RSU1: variants seen among roughly 807,000 people sequenced by gnomAD.
RSU1 encodes rsu-1.
A neutral mutation model predicts 31.1 loss-of-function variants in RSU1; 26 were observed. The observed-to-expected ratio is 0.84, with a 90% CI of 0.61 to 1.16. The LOEUF is 1.16. Ranked by LOEUF, RSU1 falls within the 50% of genes most tolerant of loss-of-function variation. The pLI is 0.00. For missense variants in RSU1, 320 were observed against 339.1 expected (o/e 0.94, Z 0.44); for synonymous variants, 164 against 136.3 (o/e 1.20, Z -1.41).
intron 8 of RSU1, among the ~76,000 whole-genome samples, chr10:16,652,392 C>G (rs200843845): frequency 1.1e-5 from 1 of 89,158 alleles, no homozygotes; most frequent in Non-Finnish European, 2.2e-5. Flanking sequence ...TGCCCCAAAG[C>G]AAAAAAAAAA....
chr10:16,731,374 G>A (rs1280028707), intron 7 of RSU1, among the ~76,000 whole-genome samples: 1 of 149,746 alleles, frequency 6.7e-6, no homozygotes, highest in Non-Finnish European at 1.5e-5. Context: ...AGCTTGCAGT[G>A]AGCCGAGATA....
intron 7 of RSU1, among the ~76,000 whole-genome samples, chr10:16,703,581 C>T (rs990950859): frequency 1.3e-5 from 2 of 152,010 alleles, no homozygotes; most frequent in African/African-American, 2.4e-5. Context: ...TTATGAGACA[C>T]TCAGAGCATG....
intron 7 of RSU1, among the ~76,000 whole-genome samples, chr10:16,709,520 A>G (rs1368401943): frequency 6.6e-6 from 1 of 152,188 alleles, no homozygotes; most frequent in Admixed American, 6.5e-5. Context: ...CAGCAATGGG[A>G]TGGCTGGGTC....
chr10:16,764,549 G>A (rs374388688), intron 3 of RSU1, 39 bp from the exon 4 acceptor site: 124 of 1,594,742 alleles, frequency 7.8e-5, no homozygotes, highest in Non-Finnish European at 1.0e-4. Context: ...TCTGGGAATG[G>A]AACTCCTAGC....
At chr10:16,786,033 C>T (rs114783367) in intron 2 of RSU1, among the ~76,000 whole-genome samples, 1,603 of 152,264 alleles carry the variant, frequency 0.011, 41 homozygotes, top group African/African-American at 0.037. Context: ...ACTGTGGCCA[C>T]TAGAAAATCT....
At chr10:16,686,774 C>G (rs1835447304) in intron 8 of RSU1, among the ~76,000 whole-genome samples, 1 of 152,146 alleles carries the variant, frequency 6.6e-6, no homozygotes, top group South Asian at 2.1e-4. Flanking sequence ...GATAGTTTTA[C>G]TCTTTAAAGT....
intron 4 of RSU1, among the ~76,000 whole-genome samples, chr10:16,760,746 C>T (rs1452234946): frequency 4.6e-5 from 7 of 152,020 alleles, no homozygotes; most frequent in African/African-American, 1.7e-4. Context: ...ATAAAATCCC[C>T]CCCACCTCCA....
At chr10:16,618,935 T>C (rs796413438) in intron 8 of RSU1, among the ~76,000 whole-genome samples, 9 of 152,284 alleles carry the variant, frequency 5.9e-5, no homozygotes, top group African/African-American at 2.2e-4. Context: ...ATGGCACATG[T>C]ATACCTATGT....
intron 7 of RSU1, among the ~76,000 whole-genome samples, chr10:16,710,563 A>G (rs781754206): frequency 2.0e-5 from 3 of 152,216 alleles, no homozygotes; most frequent in Admixed American, 1.3e-4. Flanking sequence ...TTTCTGGAAT[A>G]GTTTGAGGAG....
At chr10:16,796,896 A>C (rs1838048413) in intron 2 of RSU1, among the ~76,000 whole-genome samples, 1 of 152,256 alleles carries the variant, frequency 6.6e-6, no homozygotes, top group African/African-American at 2.4e-5. Context: ...ACAAGCTACC[A>C]GTAACCCAAA....
Position 16,590,755 on chromosome 10 carries a change from ATAAT to A in RSU1, c.*2635_*2638del, listed in dbSNP as rs1833491758. On this transcript the variant is annotated 3_prime_UTR_variant, in exon 9 of 9. Coordinates refer to ENST00000345264, the MANE Select transcript of RSU1 (RefSeq NM_012425.4). ...ACAGAGATAATTTAACTGCCTTAAA[ATAAT>A]TGTGTTCACCTCTATTTAATTTTTA... 1 of 152,248 alleles carries A rather than the reference ATAAT, an allele frequency of 6.6e-6. No individual in the cohort carries two copies. 9.4% of individuals were successfully genotyped at this position (152,248 alleles called of 1,614,324 possible). A position where few individuals can be genotyped will look rare whatever the true frequency, so the allele number is the denominator to read the frequency against.
At chr10:16,605,220 G>T (rs9971302) in intron 8 of RSU1, among the ~76,000 whole-genome samples, 1 of 151,890 alleles carries the variant, frequency 6.6e-6, no homozygotes, top group Non-Finnish European at 1.5e-5. Flanking sequence ...GTGAGTTCCC[G>T]AGCCAGGCCA....
At chr10:16,737,828 A>T (rs1242952899) in intron 7 of RSU1, among the ~76,000 whole-genome samples, 1 of 152,180 alleles carries the variant, frequency 6.6e-6, no homozygotes, top group Non-Finnish European at 1.5e-5. Context: ...TGGAACACTG[A>T]TGGGGCACAT....
intron 2 of RSU1, among the ~76,000 whole-genome samples, chr10:16,789,703 C>T (rs1316323406): frequency 5.9e-5 from 9 of 152,180 alleles, no homozygotes; most frequent in Non-Finnish European, 1.2e-4. Flanking sequence ...CCTTGCTGAC[C>T]GTAATCACAC....
At chr10:16,738,040 G>T (rs1232805106) in intron 7 of RSU1, among the ~76,000 whole-genome samples, 3 of 152,160 alleles carry the variant, frequency 2.0e-5, no homozygotes, top group African/African-American at 7.2e-5. Context: ...CTAAATAACA[G>T]GCCCCAGGTC....
intron 3 of RSU1, 44 bp from the exon 4 acceptor site, chr10:16,764,554 C>A (rs200547552): frequency 2.0e-5 from 32 of 1,587,880 alleles, no homozygotes; most frequent in Non-Finnish European, 2.7e-5. Context: ...GAATGGAACT[C>A]CTAGCAAGGG....
At chr10:16,776,447 C>T (rs1837533558) in intron 3 of RSU1, among the ~76,000 whole-genome samples, 1 of 151,080 alleles carries the variant, frequency 6.6e-6, no homozygotes, top group East Asian at 1.9e-4. Context: ...TGTTATAATT[C>T]TAAATTCATA....
At chr10:16,741,483 C>A (rs116543710) in intron 7 of RSU1, among the ~76,000 whole-genome samples, 68 of 152,278 alleles carry the variant, frequency 4.5e-4, no homozygotes, top group African/African-American at 1.5e-3. Context: ...CTAAAAAACA[C>A]TGAATTGTAC....
At chr10:16,658,091 T>C (rs922668694) in intron 8 of RSU1, among the ~76,000 whole-genome samples, 1 of 152,232 alleles carries the variant, frequency 6.6e-6, no homozygotes, top group African/African-American at 2.4e-5. Context: ...CAGGGCTCAG[T>C]TGCTTGATTT....
Sources: allele counts gnomAD v4.1 joint callset (sites outside exome capture counted in the v4.1 genomes callset), GRCh38; gene constraint gnomAD v4.1.1; transcripts MANE v1.5; gene names NCBI Gene and HGNC (gene_info 2026-07-23, HGNC 2026-07-21).